Variants in FAF1 observed in about 807,000 individuals in gnomAD.
FAF1 encodes the protein Fas associated factor 1.
FAF1 carries 25 observed loss-of-function variants against 92.5 expected under a neutral mutation model. That is an observed-to-expected ratio of 0.27 (90% CI 0.20 to 0.38). FAF1 has a LOEUF of 0.38. Among genes scored for constraint, FAF1 ranks in the 10% least tolerant of loss-of-function variants. FAF1 has a pLI of 1.00. For synonymous variants in FAF1, 234 were observed against 273.2 expected, an observed-to-expected ratio of 0.86 and a Z score of 1.42; for missense variants, 636 against 793.3, an observed-to-expected ratio of 0.80 and a Z score of 2.38.
chr1:50,768,394 TAACA>T (rs1254132953), intron 4 of FAF1, among the ~76,000 whole-genome samples: 1 of 151,898 alleles, frequency 6.6e-6, no homozygotes, highest in Non-Finnish European at 1.5e-5. Flanking sequence ...GGCAAAAGAC[TAACA>T]AAGATAAAAT....
chr1:50,909,281 G>C (rs1356101598), intron 1 of FAF1, among the ~76,000 whole-genome samples: 1 of 152,160 alleles, frequency 6.6e-6, no homozygotes, highest in Non-Finnish European at 1.5e-5. Flanking sequence ...TGGGTAACTC[G>C]ACCTTTCTCT....
intron 3 of FAF1, among the ~76,000 whole-genome samples, chr1:50,798,229 C>T (rs945336839): frequency 2.6e-5 from 4 of 152,226 alleles, no homozygotes; most frequent in South Asian, 4.1e-4. Context: ...TTCTGAAAGC[C>T]TAATGGTCAA....
intron 6 of FAF1, among the ~76,000 whole-genome samples, chr1:50,726,554 G>A (rs1264757062): frequency 6.6e-6 from 1 of 152,106 alleles, no homozygotes; most frequent in East Asian, 1.9e-4. Flanking sequence ...AAATGGCTGG[G>A]TGTGGCAGCT....
chr1:50,775,818 G>C (rs1292430475), intron 4 of FAF1, among the ~76,000 whole-genome samples: 1 of 152,118 alleles, frequency 6.6e-6, no homozygotes, highest in Non-Finnish European at 1.5e-5. Context: ...TATTGACTAA[G>C]TGCAGTGAAG....
intron 1 of FAF1, among the ~76,000 whole-genome samples, chr1:50,953,182 T>C (rs191148557): frequency 0.066 from 10,038 of 152,132 alleles, 406 homozygotes; most frequent in East Asian, 0.095. Flanking sequence ...GTTAAACAGA[T>C]GCTTGAAGGC....
chr1:50,838,443 T>G lies in FAF1; in HGVS notation c.114+19486A>C, dbSNP rs142013391. Among the ~76,000 whole-genome samples the G allele has an allele frequency of 2.9e-3, 427 of 149,646 alleles. 3 individuals carry two copies. The highest frequency in any genetic ancestry group is 9.2e-3 in the African/African-American group (377 of 41,150). Reference sequence around the variant, plus strand: ...ATGTTAATGTAAATATAATTTTACATGTTAATGTAAAATTGTAAATTACAA... The same window carrying G: ...ATGTTAATGTAAATATAATTTTACAGGTTAATGTAAAATTGTAAATTACAA... On this transcript the variant is annotated intron_variant, in intron 2 of 18. Transcript: ENST00000396153.
Position 50,490,673 on chromosome 1 carries a change from TAAAAC to T in FAF1, c.1576-13_1576-9del. 6.3e-7 allele frequency: 1 copy of T among 1,581,828 alleles called. No individual in the cohort carries two copies. The highest frequency in any genetic ancestry group is 8.7e-7 in the Non-Finnish European group (1 of 1,150,890). The stretch of plus-strand genomic sequence containing the variant: ...TCTCTCGTGAGCTTCCCTCTGTTGA[TAAAAC>T]AGAAAAGGAACAAGCACTTAACACA... On this transcript the variant is annotated splice_polypyrimidine_tract_variant and intron_variant, in intron 16 of 18. Coordinates refer to ENST00000396153, the MANE Select transcript of FAF1 (RefSeq NM_007051.3).
intron 1 of FAF1, among the ~76,000 whole-genome samples, chr1:50,926,517 T>C (rs1645007080): frequency 6.6e-6 from 1 of 151,812 alleles, no homozygotes; most frequent in Non-Finnish European, 1.5e-5. Context: ...TACAGCGCTG[T>C]GGGGTGACAT....
intron 18 of FAF1, among the ~76,000 whole-genome samples, chr1:50,462,826 G>C (rs1646449343): frequency 6.6e-6 from 1 of 152,184 alleles, no homozygotes; most frequent in South Asian, 2.1e-4. Flanking sequence ...TATGTTCGAA[G>C]GTGGGAAGTT....
chr1:50,876,507 G>A (rs990439805), intron 1 of FAF1, among the ~76,000 whole-genome samples: 1 of 152,148 alleles, frequency 6.6e-6, no homozygotes, highest in African/African-American at 2.4e-5. Context: ...CACTAATGAT[G>A]GGGATACGAC....
At chr1:50,552,327 G>C (rs906061701) in intron 13 of FAF1, among the ~76,000 whole-genome samples, 2 of 151,808 alleles carry the variant, frequency 1.3e-5, no homozygotes, top group Non-Finnish European at 2.9e-5. Context: ...TCAGCTAGAG[G>C]GTTTAAGCAA....
At chr1:50,479,469 T>A (rs1009427217) in intron 17 of FAF1, among the ~76,000 whole-genome samples, 15 of 152,360 alleles carry the variant, frequency 9.8e-5, no homozygotes, top group Non-Finnish European at 2.1e-4. Flanking sequence ...GCATTGATCC[T>A]CATGCTATAT....
chr1:50,685,030 C>T (rs1656595546), intron 7 of FAF1, among the ~76,000 whole-genome samples: 2 of 152,150 alleles, frequency 1.3e-5, no homozygotes, highest in Non-Finnish European at 2.9e-5. Flanking sequence ...ATATACGACA[C>T]AGAATTATAG....
At chr1:50,681,544 G>A (rs909028815) in intron 7 of FAF1, among the ~76,000 whole-genome samples, 5 of 151,806 alleles carry the variant, frequency 3.3e-5, no homozygotes, top group Admixed American at 3.3e-4. Context: ...TTTCACTCTT[G>A]TTGCCCATGC....
At chr1:50,590,423 T>C (rs960006478) in intron 9 of FAF1, among the ~76,000 whole-genome samples, 1 of 152,242 alleles carries the variant, frequency 6.6e-6, no homozygotes, top group African/African-American at 2.4e-5. Context: ...GAATTGTTTT[T>C]CTAATTTTCT....
chr1:50,671,726 AT>A (rs1655890402), intron 7 of FAF1, among the ~76,000 whole-genome samples: 1 of 151,020 alleles, frequency 6.6e-6, no homozygotes, highest in African/African-American at 2.4e-5. Flanking sequence ...CCTACTGAAC[AT>A]TTTAATTTTT....
intron 14 of FAF1, among the ~76,000 whole-genome samples, chr1:50,539,182 G>C (rs529086749): frequency 1.4e-4 from 22 of 152,266 alleles, no homozygotes; most frequent in Admixed American, 6.5e-4. Context: ...TTGTCACTGT[G>C]AAAAATTCAA....
intron 1 of FAF1, among the ~76,000 whole-genome samples, chr1:50,940,824 G>A (rs1216769121): frequency 6.6e-6 from 1 of 152,284 alleles, no homozygotes; most frequent in East Asian, 1.9e-4. Flanking sequence ...ACAACTTGAA[G>A]ATAAGCAGTC....
At chr1:50,546,294 AAAGG>A (rs1190825986) in intron 13 of FAF1, among the ~76,000 whole-genome samples, 1 of 152,202 alleles carries the variant, frequency 6.6e-6, no homozygotes, top group South Asian at 2.1e-4. Flanking sequence ...GTTAGTGATA[AAAGG>A]AAGGTATTAA....
Sources: gnomAD v4.1 joint callset for allele counts (sites outside exome capture counted in the v4.1 genomes callset) on GRCh38, gnomAD v4.1.1 for gene constraint, MANE v1.5 for transcripts, NCBI Gene and HGNC (gene_info 2026-07-23, HGNC 2026-07-21) for gene names.